MYO1D: variants seen among roughly 807,000 people sequenced by gnomAD.
The protein encoded by MYO1D is myosin ID.
In MYO1D, 83 loss-of-function variants were observed where a neutral mutation model predicts 122.0. The observed-to-expected ratio is 0.68, with a 90% CI of 0.57 to 0.82. MYO1D has a LOEUF of 0.82. Among genes scored for constraint, MYO1D ranks in the 40% least tolerant of loss-of-function variants. The pLI, the probability that MYO1D is intolerant of heterozygous loss-of-function variation, is 0.00. For missense variants in MYO1D, 1,157 were observed against 1,269.5 expected (o/e 0.91, Z 1.35); for synonymous variants, 464 against 446.9 (o/e 1.04, Z -0.48).
chr17:32,832,092 A>T (rs2090776078), intron 1 of MYO1D, among the ~76,000 whole-genome samples: 1 of 152,110 alleles, frequency 6.6e-6, no homozygotes, highest in Admixed American at 6.5e-5. Flanking sequence ...GTCATGTATA[A>T]TATGGGGGTT....
chr17:32,857,765 A>G (rs941735895), intron 1 of MYO1D, among the ~76,000 whole-genome samples: 1 of 152,078 alleles, frequency 6.6e-6, no homozygotes, highest in Non-Finnish European at 1.5e-5. Flanking sequence ...CCCTTAATCA[A>G]TAAAGGCCTT....
intron 1 of MYO1D, among the ~76,000 whole-genome samples, chr17:32,863,317 A>G (rs969779202): frequency 6.6e-6 from 1 of 152,240 alleles, no homozygotes; most frequent in Non-Finnish European, 1.5e-5. Flanking sequence ...ACAGCAAAGC[A>G]ATAAAAAATA....
intron 21 of MYO1D, among the ~76,000 whole-genome samples, chr17:32,587,733 G>C (rs1300707371): frequency 6.6e-6 from 1 of 152,104 alleles, no homozygotes; most frequent in Non-Finnish European, 1.5e-5. Flanking sequence ...ACCCCTTCTT[G>C]GTCCCCTAGT....
At chr17:32,577,648 A>C (rs1284002532) in intron 21 of MYO1D, among the ~76,000 whole-genome samples, 1 of 152,178 alleles carries the variant, frequency 6.6e-6, no homozygotes, top group East Asian at 1.9e-4. Flanking sequence ...AAAAAAAAGA[A>C]TGTGATTTAG....
intron 21 of MYO1D, among the ~76,000 whole-genome samples, chr17:32,539,528 A>C (rs1247099622): frequency 6.6e-6 from 1 of 152,132 alleles, no homozygotes; most frequent in African/African-American, 2.4e-5. Context: ...CAGAGCCTCT[A>C]GGGTTCTCTG....
At chr17:32,519,574 C>A (rs1910036909) in intron 21 of MYO1D, among the ~76,000 whole-genome samples, 1 of 151,826 alleles carries the variant, frequency 6.6e-6, no homozygotes, top group Non-Finnish European at 1.5e-5. Flanking sequence ...TGCCCGAGCC[C>A]GAGCGCCAGC....
chr17:32,813,025 G>C (rs1212876647), intron 1 of MYO1D, among the ~76,000 whole-genome samples: 2 of 152,206 alleles, frequency 1.3e-5, no homozygotes, highest in Non-Finnish European at 2.9e-5. Flanking sequence ...AATCTTGTTA[G>C]TTCAATCTTC....
At position 32,867,552 on chromosome 17, in the gene MYO1D, T is replaced by A. The variant is rs368854379; in HGVS notation, c.95+9226A>T. 7.9e-5 allele frequency among the ~76,000 whole-genome samples: 12 copies of A among 151,464 alleles called. No individual in the cohort carries two copies. In the East Asian group the frequency reaches 1.4e-3, roughly 17 times the overall value. Reference sequence around the variant, plus strand: ...TGACCCACGCCTGTAATCCCAGCACTTTGGGAGGACAAAGCGGGCAGATCA... The same window carrying A: ...TGACCCACGCCTGTAATCCCAGCACATTGGGAGGACAAAGCGGGCAGATCA... On this transcript the variant is annotated intron_variant, in intron 1 of 21. Coordinates refer to ENST00000318217, the MANE Select transcript of MYO1D (RefSeq NM_015194.3).
intron 14 of MYO1D, among the ~76,000 whole-genome samples, chr17:32,733,686 G>C (rs2089665892): frequency 6.6e-6 from 1 of 152,256 alleles, no homozygotes; most frequent in African/African-American, 2.4e-5. Context: ...TATATTCAAA[G>C]TTACACACTT....
chr17:32,555,992 T>G (rs576487914), intron 21 of MYO1D, among the ~76,000 whole-genome samples: 4 of 152,208 alleles, frequency 2.6e-5, no homozygotes, highest in Non-Finnish European at 5.9e-5. Context: ...GAGCCCTGCT[T>G]ATTCCTCCTT....
chr17:32,756,508 G>A (rs1220053713), intron 10 of MYO1D, among the ~76,000 whole-genome samples: 1 of 150,912 alleles, frequency 6.6e-6, no homozygotes, highest in East Asian at 1.9e-4. Flanking sequence ...CCAATCAGAT[G>A]TCCATTTGTC....
intron 1 of MYO1D, among the ~76,000 whole-genome samples, chr17:32,820,796 C>A (rs1472534651): frequency 1.3e-5 from 2 of 152,142 alleles, no homozygotes; most frequent in Admixed American, 1.3e-4. Context: ...GTAATAATTA[C>A]ACAATGTATA....
intron 1 of MYO1D, among the ~76,000 whole-genome samples, chr17:32,861,730 T>A (rs7223453): frequency 0.034 from 5,233 of 152,198 alleles, 299 homozygotes; most frequent in African/African-American, 0.12. Context: ...TCTAAAAATA[T>A]GTCTCGGCCA....
rs141034200 is a variant in MYO1D at position 32,727,261 on chromosome 17, A to G, written c.1747-6072T>C. 2.6e-3 allele frequency among the ~76,000 whole-genome samples: 399 copies of G among 152,262 alleles called. 1 individual carries two copies. Among genetic ancestry groups the G allele is most frequent in the African/African-American group, 8.7e-3 (363 of 41,512 alleles). On this transcript the variant is annotated intron_variant, in intron 14 of 21. Coordinates refer to ENST00000318217, the MANE Select transcript of MYO1D (RefSeq NM_015194.3). ...CAAGTGACAGCTTAGGTGTAAGGAG[A>G]TGAGATCCACATTGGACATGTGTGC...
chr17:32,717,159 C>T (rs2089458684), intron 15 of MYO1D, among the ~76,000 whole-genome samples: 1 of 152,184 alleles, frequency 6.6e-6, no homozygotes, highest in Non-Finnish European at 1.5e-5. Flanking sequence ...GTTCCAGTGA[C>T]TTCCTATATG....
intron 21 of MYO1D, among the ~76,000 whole-genome samples, chr17:32,572,177 AT>A (rs1354577141): frequency 6.6e-6 from 1 of 151,418 alleles, no homozygotes; most frequent in East Asian, 1.9e-4. Flanking sequence ...TGTATTTCCC[AT>A]TTTCTAAGGT....
intron 21 of MYO1D, among the ~76,000 whole-genome samples, chr17:32,514,592 G>A (rs949965458): frequency 9.2e-5 from 14 of 152,246 alleles, no homozygotes; most frequent in African/African-American, 3.1e-4. Context: ...CTCCAAAATC[G>A]TGGTGACCTA....
At chr17:32,565,083 A>C (rs921901819) in intron 21 of MYO1D, among the ~76,000 whole-genome samples, 1 of 152,176 alleles carries the variant, frequency 6.6e-6, no homozygotes, top group Non-Finnish European at 1.5e-5. Flanking sequence ...AGCTCACTGC[A>C]ACCTCTGCCT....
intron 16 of MYO1D, among the ~76,000 whole-genome samples, chr17:32,671,098 CTGTT>C (rs1357432546): frequency 6.6e-6 from 1 of 152,218 alleles, no homozygotes; most frequent in African/African-American, 2.4e-5. Flanking sequence ...TAACACATCC[CTGTT>C]TGTTGGGCTG....
Sources: allele counts gnomAD v4.1 joint callset (sites outside exome capture counted in the v4.1 genomes callset), GRCh38; gene constraint gnomAD v4.1.1; transcripts MANE v1.5; gene names NCBI Gene and HGNC (gene_info 2026-07-23, HGNC 2026-07-21).